The following DOCK5 variants were observed in gnomAD, a reference collection of about 807,000 sequenced individuals.
The protein encoded by DOCK5 is dedicator of cytokinesis 5.
A neutral mutation model predicts 251.8 loss-of-function variants in DOCK5; 142 were observed. The observed-to-expected ratio is 0.56, with a 90% CI of 0.49 to 0.65. The LOEUF (loss-of-function observed/expected upper bound fraction) is 0.65, where lower values mean the gene tolerates loss of function less well. Among genes scored for constraint, DOCK5 ranks in the 30% least tolerant of loss-of-function variants. The pLI, the probability that DOCK5 is intolerant of heterozygous loss-of-function variation, is 0.00. For synonymous variants in DOCK5, 842 were observed against 835.5 expected, an observed-to-expected ratio of 1.01 and a Z score of -0.13; for missense variants, 2,111 against 2,312.3, an observed-to-expected ratio of 0.91 and a Z score of 1.79.
At chr8:25,263,651 G>T (rs1350823787) in intron 2 of DOCK5, among the ~76,000 whole-genome samples, 1 of 151,432 alleles carries the variant, frequency 6.6e-6, no homozygotes, top group Non-Finnish European at 1.5e-5. Flanking sequence ...CGAGGCCAGT[G>T]CACCACCCCC....
chr8:25,275,867 T>C (rs1804033139), intron 4 of DOCK5, among the ~76,000 whole-genome samples: 1 of 152,148 alleles, frequency 6.6e-6, no homozygotes, highest in Non-Finnish European at 1.5e-5. Flanking sequence ...ATTTCTCTCA[T>C]CTCATCAGTT....
At chr8:25,274,802 AT>A (rs111329249) in intron 3 of DOCK5, among the ~76,000 whole-genome samples, 214 of 147,650 alleles carry the variant, frequency 1.4e-3, no homozygotes, top group East Asian at 3.6e-3. Context: ...TTCCACATGG[AT>A]TTTTTTTTTT....
chr8:25,310,536 A>G lies in DOCK5; in HGVS notation c.1318+4A>G. On this transcript the variant is annotated splice_donor_region_variant and intron_variant, in intron 13 of 51. Coordinates refer to ENST00000276440, the MANE Select transcript of DOCK5 (RefSeq NM_024940.8). ...TTTCCTGAAATCATACTGCCAGGTA[A>G]GCACTTTGCATGGCTCACCTGTTTG... The G allele has an allele frequency of 6.2e-7, 1 of 1,608,080 alleles. No individual in the cohort carries two copies. Among genetic ancestry groups the G allele is most frequent in the South Asian group, 1.1e-5 (1 of 90,196 alleles).
chr8:25,388,981 G>C, intron 40 of DOCK5, 110 bp from the exon 41 acceptor site: 1 of 975,172 alleles, frequency 1.0e-6, no homozygotes, highest in Non-Finnish European at 1.5e-6. Context: ...ACTTGATGGT[G>C]GGGATTGAAC....
chr8:25,273,589 C>G (rs570756040), intron 3 of DOCK5, among the ~76,000 whole-genome samples: 1 of 152,174 alleles, frequency 6.6e-6, no homozygotes, highest in Non-Finnish European at 1.5e-5. Flanking sequence ...GGCAACAGAG[C>G]AAGACTCTGT....
At chr8:25,209,171 G>GAGAGAAGTTTCCTGTGCGT (rs1338665663) in intron 1 of DOCK5, among the ~76,000 whole-genome samples, 9 of 75,452 alleles carry the variant, frequency 1.2e-4, no homozygotes, top group South Asian at 6.9e-4. Context: ...GAGGCTCAGA[G>GAGAGAAGTTTCCTGTGCGT]CACATTAGCG....
At chr8:25,360,497 A>G (rs1800657902) in intron 28 of DOCK5, among the ~76,000 whole-genome samples, 1 of 152,174 alleles carries the variant, frequency 6.6e-6, no homozygotes, top group Non-Finnish European at 1.5e-5. Context: ...GTAGCGGGTA[A>G]GAGCACAGGC....
At position 25,292,064 on chromosome 8, in the gene DOCK5, C is replaced by A; in HGVS notation, c.362C>A (p.Thr121Lys). ...CTCTTCCGCCAGCTGCAGCAGATGA[C>A]GTACAGCCTGATCGAGTGGCGGTCC... ...LTLFRQLQQM[T>K]YSLIEWRSQI... Residue 121 changes from threonine to lysine, a missense_variant, in exon 6 of 52, where the codon ACG (threonine) becomes AAG (lysine). Coordinates refer to ENST00000276440, the MANE Select transcript of DOCK5 (RefSeq NM_024940.8). 6.2e-7 allele frequency: 1 copy of A among 1,604,698 alleles called. No individual in the cohort carries two copies. Among genetic ancestry groups the A allele is most frequent in the South Asian group, 1.1e-5 (1 of 89,124 alleles).
At chr8:25,382,899 G>A in intron 40 of DOCK5, 121 bp downstream of exon 40, 1 of 783,994 alleles carries the variant, frequency 1.3e-6, no homozygotes, top group South Asian at 1.8e-5. Context: ...GGGAGGTAGG[G>A]GAGGGAAACC....
chr8:25,203,531 G>T (rs1801928683), intron 1 of DOCK5, among the ~76,000 whole-genome samples: 1 of 152,156 alleles, frequency 6.6e-6, no homozygotes, highest in Non-Finnish European at 1.5e-5. Flanking sequence ...TGAGAAATGG[G>T]TATACTTGCT....
At chr8:25,334,243 G>T (rs1805747116) in intron 21 of DOCK5, 47 bp downstream of exon 21, 1 of 1,460,026 alleles carries the variant, frequency 6.8e-7, no homozygotes, top group Admixed American at 1.7e-5. Flanking sequence ...CTTTGGATTT[G>T]TACTCTTAGG....
Position 25,300,561 on chromosome 8 carries a change from T to G in DOCK5, c.765-15T>G. ...TTAGCCTCTCATTAAGAGCAATTTT[T>G]TTTTCCTTTGCCAGTGAGAACTATC... On this transcript the variant is annotated splice_polypyrimidine_tract_variant and intron_variant, in intron 8 of 51. Transcript: ENST00000276440. 1 of 1,609,690 alleles carries G rather than the reference T, an allele frequency of 6.2e-7. No homozygotes were observed. Among genetic ancestry groups the G allele is most frequent in the East Asian group, 2.2e-5 (1 of 44,814 alleles).
chr8:25,361,920 A>G (rs1800689127), intron 28 of DOCK5, among the ~76,000 whole-genome samples: 1 of 152,214 alleles, frequency 6.6e-6, no homozygotes. Flanking sequence ...AGTGCCAGAG[A>G]AACTGGACAG....
intron 35 of DOCK5, among the ~76,000 whole-genome samples, chr8:25,373,137 T>C (rs1347296858): frequency 6.6e-6 from 1 of 151,932 alleles, no homozygotes; most frequent in Admixed American, 6.6e-5. Flanking sequence ...GTAGCTGGGA[T>C]TACAGGCACG....
At position 25,399,950 on chromosome 8, in the gene DOCK5, G is replaced by C. The variant is rs150446436; in HGVS notation, c.4744G>C (p.Asp1582His). 104 of 1,613,562 alleles carry C rather than the reference G, an allele frequency of 6.4e-5. No individual in the cohort carries two copies. In the African/African-American group the frequency reaches 1.1e-3, roughly 17 times the overall value. Reference sequence around the variant, plus strand: ...AAAGTACTTGCAGGAGCATCCTGAAGACCAGGAGAAGGTTGAGCTGCTAAA... The same window carrying C: ...AAAGTACTTGCAGGAGCATCCTGAACACCAGGAGAAGGTTGAGCTGCTAAA... ...TEKYLQEHPE[D>H]QEKVELLKRL... The change falls in exon 46 of 52, where the codon GAC becomes CAC. Residue 1582 changes from aspartate (D) to histidine (H), a missense_variant. Coordinates refer to ENST00000276440, the MANE Select transcript of DOCK5 (RefSeq NM_024940.8).
rs1805487257 is a variant in DOCK5, at chr8:25,323,768, G to A, written c.1616-80G>A. On this transcript the variant is annotated intron_variant, in intron 16 of 51. Transcript: ENST00000276440. ...ATATGGTTGAACGCTGCACCCCCGAGCAAAATGTGAAATCGTGTCATAGCC... is the reference window on the plus strand; with the variant it reads ...ATATGGTTGAACGCTGCACCCCCGAACAAAATGTGAAATCGTGTCATAGCC... 4.7e-6 allele frequency: 7 copies of A among 1,494,376 alleles called. No individual in the cohort carries two copies. In the South Asian group the frequency reaches 8.4e-5, roughly 18 times the overall value. The allele number at this position is 1,494,376 out of a possible 1,614,324, so 92.6% of individuals were successfully genotyped here.
rs1187561655 is a variant in DOCK5, at chr8:25,333,693, G to A, written c.2092-403G>A. On this transcript the variant is annotated intron_variant, in intron 20 of 51. Coordinates refer to ENST00000276440, the MANE Select transcript of DOCK5 (RefSeq NM_024940.8). ...AACTCTGGTGCAGTTGTTACTGGGG[G>A]CACTCATAGTGTACACAGGAGAAAA... 2.0e-5 allele frequency among the ~76,000 whole-genome samples: 3 copies of A among 152,110 alleles called. No individual in the cohort carries two copies. The East Asian group carries it at 5.8e-4, about 29-fold the overall frequency.
intron 2 of DOCK5, among the ~76,000 whole-genome samples, chr8:25,256,705 T>A (rs1803428919): frequency 6.6e-6 from 1 of 152,048 alleles, no homozygotes; most frequent in South Asian, 2.1e-4. Context: ...GTGAAATTTT[T>A]TCTTAGTGTC....
intron 37 of DOCK5, chr8:25,375,421 A>G: frequency 9.1e-6 from 1 of 109,742 alleles, no homozygotes; most frequent in Non-Finnish European, 2.0e-5. Context: ...TTTTTTTTTT[A>G]AAGAGATGAG....
Sources: gnomAD v4.1 joint callset for allele counts (sites outside exome capture counted in the v4.1 genomes callset) on GRCh38, gnomAD v4.1.1 for gene constraint, MANE v1.5 for transcripts, NCBI Gene and HGNC (gene_info 2026-07-23, HGNC 2026-07-21) for gene names.